Variants in ARHGAP6 observed in about 807,000 individuals in gnomAD.
ARHGAP6 encodes Rho GTPase activating protein 6.
In ARHGAP6, 16 loss-of-function variants were observed where a neutral mutation model predicts 55.7. The ratio of observed to expected loss-of-function variants is 0.29; its 90% confidence interval spans 0.19 to 0.44. The LOEUF is 0.44. Ranked by LOEUF, ARHGAP6 falls within the 20% of genes least tolerant of loss-of-function variation. The probability of loss-of-function intolerance (pLI) is 1.00; values close to 1 mark genes in which losing one functional copy is unlikely to be tolerated. For missense variants in ARHGAP6, 698 were observed against 808.9 expected, an observed-to-expected ratio of 0.86 and a Z score of 1.66; for synonymous variants, 382 against 360.9, an observed-to-expected ratio of 1.06 and a Z score of -0.66.
chrX:11,446,228 G>A (rs912128949), intron 1 of ARHGAP6, among the ~76,000 whole-genome samples: 2 of 111,917 alleles, frequency 1.8e-5, no homozygotes, highest in African/African-American at 6.5e-5. Flanking sequence ...ACTGACCACT[G>A]TGATGAGAAT....
chrX:11,424,480 C>T (rs1222387467), intron 1 of ARHGAP6, among the ~76,000 whole-genome samples: 1 of 112,184 alleles, frequency 8.9e-6, no homozygotes, highest in Non-Finnish European at 1.9e-5. Flanking sequence ...ATGTCATCCT[C>T]ATCCTTCATA....
At chrX:11,360,542 C>G (rs1180202118) in intron 1 of ARHGAP6, among the ~76,000 whole-genome samples, 2 of 109,121 alleles carry the variant, frequency 1.8e-5, no homozygotes, top group Non-Finnish European at 3.8e-5. Context: ...AAACCCACAG[C>G]CAATATCATA....
chrX:11,276,693 A>G (rs1204606824), intron 1 of ARHGAP6, among the ~76,000 whole-genome samples: 2 of 111,962 alleles, frequency 1.8e-5, no homozygotes, highest in Non-Finnish European at 3.8e-5. Flanking sequence ...CACTTTTCAG[A>G]TTTATTTTTC....
chrX:11,656,864 T>C (rs1000117539), intron 1 of ARHGAP6, among the ~76,000 whole-genome samples: 1 of 112,368 alleles, frequency 8.9e-6, no homozygotes, highest in Non-Finnish European at 1.9e-5. Context: ...GGGACATTGT[T>C]CTGTCTACCA....
intron 1 of ARHGAP6, among the ~76,000 whole-genome samples, chrX:11,309,823 A>G (rs1195227617): frequency 9.0e-6 from 1 of 111,561 alleles, no homozygotes; most frequent in Non-Finnish European, 1.9e-5. Flanking sequence ...GCTGATAAGC[A>G]TATGAAAAGA....
Position 11,144,792 on chromosome X carries a change from G to C in ARHGAP6, c.1908-544C>G, listed in dbSNP as rs1288671962. 3.6e-5 allele frequency among the ~76,000 whole-genome samples: 4 copies of C among 112,287 alleles called. No individual in the cohort carries two copies. In the East Asian group the frequency reaches 1.1e-3, roughly 31 times the overall value. The stretch of plus-strand genomic sequence containing the variant: ...ATAAATCCATCCTTCATGTGATAAA[G>C]ATGTTGATGCCACCGGTGGGAATAA... On this transcript the variant is annotated intron_variant, in intron 10 of 12. Transcript: ENST00000337414.
chrX:11,445,032 C>A (rs2050079255), intron 1 of ARHGAP6, among the ~76,000 whole-genome samples: 1 of 112,414 alleles, frequency 8.9e-6, no homozygotes, highest in Non-Finnish European at 1.9e-5. Context: ...CTGAGCCCAG[C>A]AATACTGTGA....
chrX:11,157,734 T>C (rs757346202), intron 9 of ARHGAP6, among the ~76,000 whole-genome samples: 5 of 112,646 alleles, frequency 4.4e-5, no homozygotes, highest in African/African-American at 1.6e-4. Context: ...AATTTGCTTC[T>C]TGCCTCTTGC....
chrX:11,315,883 A>G (rs1328678943), intron 1 of ARHGAP6, among the ~76,000 whole-genome samples: 1 of 111,709 alleles, frequency 9.0e-6, no homozygotes. Flanking sequence ...ACTGATAGTT[A>G]CCTAGTTTAT....
chrX:11,305,255 C>G (rs1318236762), intron 1 of ARHGAP6, among the ~76,000 whole-genome samples: 1 of 111,297 alleles, frequency 9.0e-6, no homozygotes, highest in Non-Finnish European at 1.9e-5. Flanking sequence ...AAAGTGCTGT[C>G]CCGTGATTAA....
intron 1 of ARHGAP6, among the ~76,000 whole-genome samples, chrX:11,640,311 T>A (rs2052460858): frequency 9.0e-6 from 1 of 111,605 alleles, no homozygotes; most frequent in Admixed American, 9.5e-5. Flanking sequence ...GCATTTTGCC[T>A]CCCATCTGAA....
intron 1 of ARHGAP6, among the ~76,000 whole-genome samples, chrX:11,372,771 C>CAAAAAAAA (rs1171647934): frequency 4.9e-4 from 7 of 14,344 alleles, no homozygotes; most frequent in South Asian, 5.1e-3. Context: ...GACTCCATCT[C>CAAAAAAAA]AAAAAAAAAA....
In ARHGAP6 at chrX:11,144,171, G is replaced by A. The variant is rs2045658030; in HGVS notation, c.1985C>T (p.Ser662Phe). Reference sequence around the variant, plus strand: ...GTCATAAGGGGAGATGTCTCCGCTGGAGGCCTTGTTGGAGTCTGTAGATGA... The same window carrying A: ...GTCATAAGGGGAGATGTCTCCGCTGAAGGCCTTGTTGGAGTCTGTAGATGA... ...RHSSTDSNKA[S>F]SGDISPYDNN... The change falls in exon 11 of 13, where the codon TCC becomes TTC. Residue 662 changes from serine to phenylalanine, a missense_variant. By Grantham distance (155) the Ser-to-Phe change is radical (BLOSUM62 -2). Around this residue, in one of 3 missense-constraint regions of ARHGAP6, gnomAD observed 322 missense variants for 451.1 expected, o/e 0.71. Coordinates refer to ENST00000337414, the MANE Select transcript of ARHGAP6 (RefSeq NM_013427.3). The A allele has an allele frequency of 8.3e-7, 1 of 1,210,384 alleles. No homozygotes were observed. The highest frequency in any genetic ancestry group is 2.2e-5 in the Admixed American group (1 of 45,850).
At chrX:11,400,799 T>C (rs1029633423) in intron 1 of ARHGAP6, among the ~76,000 whole-genome samples, 2 of 112,335 alleles carry the variant, frequency 1.8e-5, no homozygotes, top group Non-Finnish European at 3.8e-5. Context: ...TGCCGTATTG[T>C]ATTTGACTTT....
At chrX:11,576,981 A>G (rs2051606407) in intron 1 of ARHGAP6, among the ~76,000 whole-genome samples, 1 of 110,840 alleles carries the variant, frequency 9.0e-6, no homozygotes, top group South Asian at 3.9e-4. Flanking sequence ...TCATCTTCCA[A>G]TTTCTCTCTA....
At chrX:11,462,024 G>A (rs1385071457) in intron 1 of ARHGAP6, among the ~76,000 whole-genome samples, 1 of 112,167 alleles carries the variant, frequency 8.9e-6, no homozygotes, top group Non-Finnish European at 1.9e-5. Flanking sequence ...TGCAGAGAAG[G>A]AAATTAAAGC....
At chrX:11,593,921 A>G (rs768329079) in intron 1 of ARHGAP6, among the ~76,000 whole-genome samples, 2 of 112,330 alleles carry the variant, frequency 1.8e-5, no homozygotes, top group Admixed American at 1.9e-4. Flanking sequence ...CAAAAAATTT[A>G]AAATTCCAAA....
chrX:11,604,941 A>G (rs2052016838), intron 1 of ARHGAP6, among the ~76,000 whole-genome samples: 1 of 111,816 alleles, frequency 8.9e-6, no homozygotes, highest in African/African-American at 3.3e-5. Context: ...CCTGGGGCCA[A>G]GGATAATTCT....
At chrX:11,419,714 T>A (rs2049796004) in intron 1 of ARHGAP6, among the ~76,000 whole-genome samples, 1 of 112,269 alleles carries the variant, frequency 8.9e-6, no homozygotes, top group African/African-American at 3.2e-5. Context: ...CTCCACAAAG[T>A]GCTGAGATGC....
Sources: allele counts gnomAD v4.1 joint callset (sites outside exome capture counted in the v4.1 genomes callset), GRCh38; gene constraint gnomAD v4.1.1; regional missense constraint gnomAD v4.1.1; transcripts MANE v1.5; gene names NCBI Gene and HGNC (gene_info 2026-07-23, HGNC 2026-07-21).